BRCA2: variants seen among roughly 807,000 people sequenced by gnomAD.
BRCA2 encodes the protein breast cancer type 2 susceptibility protein.
In BRCA2, 203 loss-of-function variants were observed where a neutral mutation model predicts 276.7. The ratio of observed to expected loss-of-function variants is 0.73; its 90% CI spans 0.65 to 0.82. The LOEUF (loss-of-function observed/expected upper bound fraction) is 0.82, where lower values mean the gene tolerates loss of function less well. Among genes scored for constraint, BRCA2 ranks in the 40% least tolerant of loss-of-function variants. The pLI is 0.00. For synonymous variants in BRCA2, 1,289 were observed against 1,338.4 expected, an observed-to-expected ratio of 0.96 and a Z score of 0.81; for missense variants, 3,920 against 3,915.0, an observed-to-expected ratio of 1.00 and a Z score of -0.03.
chr13:32,372,712 C>T (rs928383602), intron 20 of BRCA2, among the ~76,000 whole-genome samples: 7 of 152,262 alleles, frequency 4.6e-5, no homozygotes, highest in Non-Finnish European at 8.8e-5. Context: ...AATCTCGTGT[C>T]CTTTTCACAT....
rs730881603 is a variant in BRCA2 at position 32,337,310 on chromosome 13, AAAT to A, written c.2959_2961del (p.Asn987del). On this transcript the variant is annotated inframe_deletion, in exon 11 of 27. Coordinates refer to ENST00000380152, the MANE Select transcript of BRCA2 (RefSeq NM_000059.4). ...TGAATATAGATAAAATACCAGAAAA[AAAT>A]AATGATTACATGAACAAATGGGCAG... is the stretch of plus-strand genomic sequence containing the variant. 1 of 1,612,666 alleles carries A rather than the reference AAAT, an allele frequency of 6.2e-7. No homozygotes were observed. Among genetic ancestry groups the A allele is most frequent in the Non-Finnish European group, 8.5e-7 (1 of 1,179,654 alleles).
rs2072290145 is a variant in BRCA2 at position 32,319,308 on chromosome 13, A to C, written c.299A>C (p.Lys100Thr). 1 of 1,613,638 alleles carries C rather than the reference A, an allele frequency of 6.2e-7. No individual in the cohort carries two copies. Among genetic ancestry groups the C allele is most frequent in the Non-Finnish European group, 8.5e-7 (1 of 1,179,586 alleles). Reference protein sequence around the residue: ...LYQSPVKELDKFKLDLGRNVP... With the variant: ...LYQSPVKELDTFKLDLGRNVP... ...CAATCTCCTGTAAAAGAATTAGATA[A>C]ATTCAAATTAGACTTAGGTAAGTAA... The change falls in exon 3 of 27, where the codon AAA (lysine) becomes ACA (threonine). Residue 100 changes from lysine to threonine, a missense_variant. Lys to Thr is a moderately conservative substitution (Grantham distance 78). Transcript: ENST00000380152.
chr13:32,340,814 A>T lies in BRCA2; in HGVS notation c.6459A>T (p.Pro2153=), dbSNP rs1555284708. 1 of 1,590,064 alleles carries T rather than the reference A, an allele frequency of 6.3e-7. No individual in the cohort carries two copies. The highest frequency in any genetic ancestry group is 8.5e-7 in the Non-Finnish European group (1 of 1,172,058). Reference sequence around the variant, plus strand: ...ATAATCACTCTATTAAAGTTTCTCCATATCTCTCTCAATTTCAACAAGACA... The same window carrying T: ...ATAATCACTCTATTAAAGTTTCTCCTTATCTCTCTCAATTTCAACAAGACA... ...SENNHSIKVS[P]YLSQFQQDKQ... is the part of the protein sequence containing the mutation. The change falls in exon 11 of 27, where the codon CCA becomes CCT. Residue 2153 remains proline, a synonymous_variant. Transcript: ENST00000380152.
chr13:32,323,389 G>A (rs1258826128), intron 3 of BRCA2, among the ~76,000 whole-genome samples: 2 of 152,198 alleles, frequency 1.3e-5, no homozygotes, highest in South Asian at 2.1e-4. Flanking sequence ...TCCTGACCTC[G>A]TGATCCGCTC....
chr13:32,324,257 A>G lies in BRCA2; in HGVS notation c.317-819A>G, dbSNP rs1245694579. 2.6e-5 allele frequency among the ~76,000 whole-genome samples: 4 copies of G among 152,212 alleles called. No individual in the cohort carries two copies. The East Asian group carries it at 7.7e-4, about 29-fold the overall frequency. On this transcript the variant is annotated intron_variant, in intron 3 of 26. Transcript: ENST00000380152. ...ATCACTACAGTTTTCTGGAGGAGGT[A>G]GTTTCTAAATGGAAGCCTGAAAGAG...
chr13:32,348,874 T>A (rs866869250), intron 13 of BRCA2, among the ~76,000 whole-genome samples: 1 of 152,266 alleles, frequency 6.6e-6, no homozygotes, highest in East Asian at 1.9e-4. Flanking sequence ...GCCTTCAAGA[T>A]AAAAATAAAG....
chr13:32,370,609 A>G (rs758862392), intron 19 of BRCA2, 52 bp downstream of exon 19: 3 of 1,570,436 alleles, frequency 1.9e-6, no homozygotes, highest in Non-Finnish European at 2.6e-6. Flanking sequence ...TGATACAATT[A>G]ATTTGTTTGT....
chr13:32,325,046 C>T (rs2137445803), intron 3 of BRCA2, 30 bp from the exon 4 acceptor site: 1 of 1,413,204 alleles, frequency 7.1e-7, no homozygotes, highest in Non-Finnish European at 1.0e-6. Flanking sequence ...AGAGTATATA[C>T]ATTCTCACTG....
At chr13:32,344,166 GAAAAA>G (rs34225677) in intron 11 of BRCA2, among the ~76,000 whole-genome samples, 1 of 137,518 alleles carries the variant, frequency 7.3e-6, no homozygotes, top group South Asian at 2.3e-4. Flanking sequence ...CCCCCGTGCT[GAAAAA>G]AAAAAAAAAA....
At chr13:32,324,203 G>T (rs143725735) in intron 3 of BRCA2, among the ~76,000 whole-genome samples, 2 of 152,128 alleles carry the variant, frequency 1.3e-5, no homozygotes, top group East Asian at 1.9e-4. Context: ...GAACACATAG[G>T]GGGGCAAACA....
chr13:32,381,167 A>C (rs1165431455), intron 24 of BRCA2, among the ~76,000 whole-genome samples: 1 of 152,162 alleles, frequency 6.6e-6, no homozygotes, highest in Admixed American at 6.5e-5. Context: ...ACTTTTGTTC[A>C]TTTAATTCAT....
chr13:32,377,381 C>T (rs779076010), intron 21 of BRCA2, among the ~76,000 whole-genome samples: 6 of 152,106 alleles, frequency 3.9e-5, no homozygotes, highest in African/African-American at 9.7e-5. Flanking sequence ...CACCTGAGGT[C>T]GGGAGTTCGT....
rs80359403 is a variant in BRCA2 at position 32,338,096 on chromosome 13, TAGTG to T, written c.3744_3747del (p.Ser1248ArgfsTer10). 1.9e-6 allele frequency: 3 copies of T among 1,610,320 alleles called. No homozygotes were observed. The highest frequency in any genetic ancestry group is 2.2e-5 in the East Asian group (1 of 44,862). On this transcript the variant is annotated frameshift_variant, in exon 11 of 27. Transcript: ENST00000380152. LOFTEE classifies it high-confidence loss of function. ...AACTGTTTAGTGATATTGAGAATAT[TAGTG>T]AGGAAACTTCTGCAGAGGTACATCC...
At position 32,354,893 on chromosome 13, in the gene BRCA2, C is replaced by A. The variant is rs80358929; in HGVS notation, c.7040C>A (p.Pro2347Gln). The change falls in exon 14 of 27, where the codon CCA (proline) becomes CAA (glutamine). Residue 2347 changes from proline to glutamine, a missense_variant. Physicochemically the swap from Pro to Gln is moderately conservative, Grantham distance 76. This residue lies in a region of BRCA2 where 3,263 missense variants were observed against 3,156.9 expected (regional missense o/e 1.03). Transcript: ENST00000380152. ...AAGGAACGTCAAGAGATACAGAATC[C>A]AAATTTTACCGCACCTGGTCAAGAA... ...TTKERQEIQNPNFTAPGQEFL... is the reference protein window; with the variant it reads ...TTKERQEIQNQNFTAPGQEFL... The A allele has an allele frequency of 4.0e-5, 64 of 1,612,846 alleles. 1 individual carries two copies. Among genetic ancestry groups the A allele is most frequent in the Non-Finnish European group, 5.3e-5 (63 of 1,178,978 alleles).
chr13:32,371,827 T>C (rs1413286856), intron 20 of BRCA2, among the ~76,000 whole-genome samples: 1 of 152,202 alleles, frequency 6.6e-6, no homozygotes, highest in Non-Finnish European at 1.5e-5. Context: ...CATACAAAAG[T>C]AATGTTTACA....
chr13:32,329,021 A>G (rs773643990), intron 7 of BRCA2, among the ~76,000 whole-genome samples: 1 of 152,212 alleles, frequency 6.6e-6, no homozygotes, highest in Non-Finnish European at 1.5e-5. Context: ...AGTTAACCCT[A>G]TTCTGTTGCT....
chr13:32,330,656 G>GT lies in BRCA2; in HGVS notation c.682-254dup, dbSNP rs200970975. 1.8e-3 allele frequency among the ~76,000 whole-genome samples: 274 copies of GT among 151,790 alleles called. No homozygotes were observed. Among genetic ancestry groups the GT allele is most frequent in the African/African-American group, 6.3e-3 (262 of 41,388 alleles). On this transcript the variant is annotated intron_variant, in intron 8 of 26. Coordinates refer to ENST00000380152, the MANE Select transcript of BRCA2 (RefSeq NM_000059.4). ...AGTGGGATGGAGCAAGATGGTGCAAGTTTTTTTTTCTCCATTTCCATTTTC... is the reference window on the plus strand; with the variant it reads ...AGTGGGATGGAGCAAGATGGTGCAAGTTTTTTTTTTCTCCATTTCCATTTTC...
Position 32,332,343 on chromosome 13 carries a change from A to G in BRCA2, c.865A>G (p.Asn289Asp), listed in dbSNP as rs766173. 3.8e-6 allele frequency: 6 copies of G among 1,598,286 alleles called. No individual in the cohort carries two copies. Among genetic ancestry groups the G allele is most frequent in the Middle Eastern group, 1.7e-4 (1 of 5,968 alleles). Residue 289 changes from asparagine to aspartate, a missense_variant, in exon 10 of 27, where the codon AAT becomes GAT. Asn to Asp is a conservative substitution (Grantham distance 23). Transcript: ENST00000380152. ...CKDHIGKSMP[N>D]VLEDEVYETV... is the part of the protein sequence containing the mutation. ...AGACCACATTGGAAAGTCAATGCCAAATGTCCTAGAAGATGAAGTATATGA... is the reference window on the plus strand; with the variant it reads ...AGACCACATTGGAAAGTCAATGCCAGATGTCCTAGAAGATGAAGTATATGA...
At position 32,339,059 on chromosome 13, in the gene BRCA2, G is replaced by A. The variant is rs863224589; in HGVS notation, c.4704G>A (p.Lys1568=). The change falls in exon 11 of 27, where the codon AAG becomes AAA. Residue 1568 remains lysine (K), a synonymous_variant. Coordinates refer to ENST00000380152, the MANE Select transcript of BRCA2 (RefSeq NM_000059.4). The part of the protein sequence containing the change: ...SFSHQWAKTL[K]YREACKDLEL... The stretch of plus-strand genomic sequence containing the variant: ...GCCATCAATGGGCAAAGACCCTAAA[G>A]TACAGAGAGGCCTGTAAAGACCTTG... 3 of 1,614,008 alleles carry A rather than the reference G, an allele frequency of 1.9e-6. No individual in the cohort carries two copies. The highest frequency in any genetic ancestry group is 2.5e-6 in the Non-Finnish European group (3 of 1,179,942).
Sources: gnomAD v4.1 joint callset for allele counts (sites outside exome capture counted in the v4.1 genomes callset) on GRCh38, gnomAD v4.1.1 for gene constraint, gnomAD v4.1.1 regional missense constraint, MANE v1.5 for transcripts, NCBI Gene and HGNC (gene_info 2026-07-23, HGNC 2026-07-21) for gene names.